The following L3MBTL2 variants were observed in gnomAD, a reference collection of about 807,000 sequenced individuals.
The protein encoded by L3MBTL2 is lethal(3)malignant brain tumor-like protein 2.
L3MBTL2 carries 49 observed loss-of-function variants against 86.4 expected under a neutral mutation model. That is an observed-to-expected ratio of 0.57 (90% CI 0.45 to 0.72). The LOEUF (loss-of-function observed/expected upper bound fraction) is 0.72. Among genes scored for constraint, L3MBTL2 ranks in the 30% least tolerant of loss-of-function variants. The pLI is 0.00. For missense variants in L3MBTL2, 755 were observed against 923.7 expected (o/e 0.82, Z 2.37); for synonymous variants, 336 against 350.6 (o/e 0.96, Z 0.47).
At position 41,224,993 on chromosome 22, in the gene L3MBTL2, T is replaced by C. The variant is rs1299698727; in HGVS notation, c.1278T>C (p.Gly426=). 3.1e-6 allele frequency: 5 copies of C among 1,613,592 alleles called. No homozygotes were observed. Among genetic ancestry groups the C allele is most frequent in the East Asian group, 2.2e-5 (1 of 44,868 alleles). The change falls in exon 11 of 17, where the codon GGT becomes GGC. Residue 426 remains glycine, a synonymous_variant. Coordinates refer to ENST00000216237, the MANE Select transcript of L3MBTL2 (RefSeq NM_031488.5). The surrounding 1 kb of genome is among the most constrained non-coding windows in gnomAD (Gnocchi z 4.9). ...TACGAGCAGTCTACACAGAAGGCGG[T>C]TGGTTTGAGGAAGGGATGAAGCTGG... ...KKVRAVYTEG[G]WFEEGMKLEA...
chr22:41,212,396 CTTTT>C (rs10553071), intron 2 of L3MBTL2, among the ~76,000 whole-genome samples: 10 of 125,808 alleles, frequency 7.9e-5, no homozygotes, highest in Admixed American at 1.6e-4. Context: ...TAGGTTCAGG[CTTTT>C]TTTTTTTTTT....
At position 41,229,571 on chromosome 22, in the gene L3MBTL2, C is replaced by T. The variant is rs1337088606; in HGVS notation, c.1920C>T (p.Pro640=). 6.2e-7 allele frequency: 1 copy of T among 1,613,154 alleles called. No homozygotes were observed. Among genetic ancestry groups the T allele is most frequent in the East Asian group, 2.2e-5 (1 of 44,822 alleles). The part of the protein sequence containing the change: ...RKRIPPTKTR[P]LRQGSKKPLL... Reference sequence around the variant, plus strand: ...GAATCCCGCCCACTAAGACGCGACCCCTCAGACAGGGGTCCAAGAAGCCCC... The same window carrying T: ...GAATCCCGCCCACTAAGACGCGACCTCTCAGACAGGGGTCCAAGAAGCCCC... The change falls in exon 16 of 17, where the codon CCC becomes CCT. Residue 640 remains proline, a synonymous_variant. Transcript: ENST00000216237.
Position 41,215,746 on chromosome 22 carries a change from A to C in L3MBTL2, c.397-393A>C, listed in dbSNP as rs368479304. Among the ~76,000 whole-genome samples, 6 of 152,124 alleles carry C rather than the reference A, an allele frequency of 3.9e-5. No individual in the cohort carries two copies. In the South Asian group the frequency reaches 1.0e-3, roughly 26 times the overall value. On this transcript the variant is annotated intron_variant, in intron 3 of 16. Transcript: ENST00000216237. ...CGCCTATGTGGACCCTCTCCCAAAC[A>C]TTCGCGTATGTACAGAAGGTTGCCT...
chr22:41,212,774 A>C (rs2030995468), intron 2 of L3MBTL2, among the ~76,000 whole-genome samples: 1 of 151,366 alleles, frequency 6.6e-6, no homozygotes, highest in Non-Finnish European at 1.5e-5. Context: ...ACATGCCTGT[A>C]GTCCCAGCTA....
Position 41,225,679 on chromosome 22 carries a change from T to A in L3MBTL2, c.1357-115T>A. On this transcript the variant is annotated intron_variant, in intron 11 of 16. Transcript: ENST00000216237. The surrounding 1 kb of genome is among the most constrained non-coding windows in gnomAD (Gnocchi z 4.1). ...GCTCAGGTGTCCTCCAGGAGGGCCA[T>A]GCCCTAGATCCGTTTGGATCCATTT... 9.2e-7 allele frequency: 1 copy of A among 1,088,174 alleles called. No individual in the cohort carries two copies. The highest frequency in any genetic ancestry group is 1.3e-6 in the Non-Finnish European group (1 of 767,254). The allele number at this position is 1,088,174 out of a possible 1,614,324, so 67.4% of individuals were successfully genotyped here. A position where few individuals can be genotyped will look rare whatever the true frequency, so the allele number is the denominator to read the frequency against.
intron 4 of L3MBTL2, 27 bp from the exon 5 acceptor site, chr22:41,217,096 G>C (rs766211330): frequency 6.2e-7 from 1 of 1,604,286 alleles, no homozygotes; most frequent in Admixed American, 1.7e-5. Context: ...CAGGCTCCTA[G>C]TCTGACTCGT....
intron 1 of L3MBTL2, among the ~76,000 whole-genome samples, chr22:41,208,892 G>A (rs1038673239): frequency 1.1e-4 from 17 of 151,646 alleles, no homozygotes; most frequent in Admixed American, 3.3e-4. Context: ...ACAGGCACCC[G>A]CCACCACACC....
chr22:41,209,999 A>G, intron 2 of L3MBTL2, 66 bp downstream of exon 2: 2 of 1,574,848 alleles, frequency 1.3e-6, no homozygotes, highest in Non-Finnish European at 1.7e-6. Context: ...AGGGGGGTGG[A>G]TATAGGCTAT....
At position 41,224,118 on chromosome 22, in the gene L3MBTL2, A is replaced by G; in HGVS notation, c.1041A>G (p.Thr347=). The G allele has an allele frequency of 6.2e-7, 1 of 1,614,152 alleles. No individual in the cohort carries two copies. Among genetic ancestry groups the G allele is most frequent in the East Asian group, 2.2e-5 (1 of 44,882 alleles). The change falls in exon 9 of 17, where the codon ACA becomes ACG. Residue 347 remains threonine (T), a synonymous_variant. Coordinates refer to ENST00000216237, the MANE Select transcript of L3MBTL2 (RefSeq NM_031488.5). The surrounding 1 kb of genome is among the most constrained non-coding windows in gnomAD (Gnocchi z 4.9). ...GCACTCGCATGGCTGTGGTGGACACAGTAATCGGGGGTCGCCTACGGCTCC... is the reference window on the plus strand; with the variant it reads ...GCACTCGCATGGCTGTGGTGGACACGGTAATCGGGGGTCGCCTACGGCTCC... ...VSRTRMAVVD[T]VIGGRLRLLY...
chr22:41,211,856 C>CTTTT (rs35869187), intron 2 of L3MBTL2, among the ~76,000 whole-genome samples: 3 of 67,898 alleles, frequency 4.4e-5, no homozygotes, highest in African/African-American at 7.4e-5. Context: ...CGCACCCGGC[C>CTTTT]TTTTTTTTTT....
At position 41,209,841 on chromosome 22, in the gene L3MBTL2, A is replaced by C; in HGVS notation, c.170A>C (p.Glu57Ala). 1 of 1,614,190 alleles carries C rather than the reference A, an allele frequency of 6.2e-7. No individual in the cohort carries two copies. Among genetic ancestry groups the C allele is most frequent in the Middle Eastern group, 1.6e-4 (1 of 6,062 alleles). ...GAGGAGTCAAGTGAAGCAGAAAATG[A>C]GGATCGGGAAGCAGGGGAACTGCCG... is the stretch of plus-strand genomic sequence containing the variant. Reference protein sequence around the residue: ...YLEESSEAENEDREAGELPTS... With the variant: ...YLEESSEAENADREAGELPTS... The change falls in exon 2 of 17, where the codon GAG becomes GCG. Residue 57 changes from glutamate to alanine, a missense_variant. Physicochemically the swap from Glu to Ala is moderately radical, Grantham distance 107 (BLOSUM62 -1). Transcript: ENST00000216237.
chr22:41,207,976 C>T (rs1363448733), intron 1 of L3MBTL2, among the ~76,000 whole-genome samples: 1 of 151,780 alleles, frequency 6.6e-6, no homozygotes, highest in African/African-American at 2.4e-5. Context: ...GGATTTCAGG[C>T]ACCCACCATC....
chr22:41,230,004 G>A (rs2032474200), intron 16 of L3MBTL2, 135 bp from the exon 17 acceptor site: 1 of 723,414 alleles, frequency 1.4e-6, no homozygotes, highest in Non-Finnish European at 2.3e-6. Context: ...TGCCCTCCCA[G>A]AAGGGAAGCT....
At chr22:41,207,527 A>G (rs1405144751) in intron 1 of L3MBTL2, among the ~76,000 whole-genome samples, 1 of 151,924 alleles carries the variant, frequency 6.6e-6, no homozygotes, top group Non-Finnish European at 1.5e-5. Context: ...CCAGCCCCCA[A>G]ACCCTATGAA....
Position 41,224,889 on chromosome 22 carries a change from T to C in L3MBTL2, c.1252-78T>C. On this transcript the variant is annotated intron_variant, in intron 10 of 16. Transcript: ENST00000216237. The surrounding 1 kb of genome is among the most constrained non-coding windows in gnomAD (Gnocchi z 4.9). ...CTGGCTCTTCCCCTGGGACCATCCC[T>C]TTCCCTCCTGAGGCCTGCTTCCCTC... The C allele has an allele frequency of 1.3e-6, 2 of 1,557,896 alleles. No individual in the cohort carries two copies. The highest frequency in any genetic ancestry group is 8.8e-7 in the Non-Finnish European group (1 of 1,130,206).
At chr22:41,210,148 T>TC in intron 2 of L3MBTL2, 2 of 426,006 alleles carry the variant, frequency 4.7e-6, no homozygotes, top group Non-Finnish European at 7.9e-6. Context: ...AATTTCTTTT[T>TC]TTTTTTTTTT....
intron 1 of L3MBTL2, among the ~76,000 whole-genome samples, chr22:41,207,838 CT>C (rs950677518): frequency 1.3e-4 from 19 of 144,734 alleles, no homozygotes; most frequent in Admixed American, 3.5e-4. Flanking sequence ...CACCACCCAG[CT>C]TTTTTTTTTT....
In L3MBTL2 at chr22:41,211,573, T is replaced by TTTTTTTTTTTTTTTTC. The variant is rs758875511; in HGVS notation, c.262+1641_262+1642insTTTTTTTTTTTTTTCT. On this transcript the variant is annotated intron_variant, in intron 2 of 16. Coordinates refer to ENST00000216237, the MANE Select transcript of L3MBTL2 (RefSeq NM_031488.5). ...TCTTATTTCCTTTTTTTTTTTTTTT[T>TTTTTTTTTTTTTTTTC]TGAGACGGAGTCTTGCTCTGTCACC... Among the ~76,000 whole-genome samples, 13 of 139,576 alleles carry TTTTTTTTTTTTTTTTC rather than the reference T, an allele frequency of 9.3e-5. 1 individual carries two copies. Among genetic ancestry groups the TTTTTTTTTTTTTTTTC allele is most frequent in the South Asian group, 4.6e-4 (2 of 4,390 alleles). The allele number at this position is 139,576 out of a possible 152,430, so 91.6% of individuals were successfully genotyped here. A position where few individuals can be genotyped will look rare whatever the true frequency, so the allele number is the denominator to read the frequency against.
chr22:41,220,684 A>C, intron 6 of L3MBTL2, 50 bp from the exon 7 acceptor site: 1 of 1,544,332 alleles, frequency 6.5e-7, no homozygotes, highest in Non-Finnish European at 8.7e-7. Context: ...AACAGAACAT[A>C]CCTTCCCCAG....
Sources: gnomAD v4.1 joint callset for allele counts (sites outside exome capture counted in the v4.1 genomes callset) on GRCh38, gnomAD v4.1.1 for gene constraint, Gnocchi (gnomAD v3.1) non-coding constraint, MANE v1.5 for transcripts, NCBI Gene and HGNC (gene_info 2026-07-23, HGNC 2026-07-21) for gene names.